Variants in YARS1 observed in about 807,000 individuals in gnomAD.
The protein encoded by YARS1 is tyrosine--tRNA ligase, cytoplasmic.
YARS1 carries 36 observed loss-of-function variants against 62.2 expected under a neutral mutation model. That is an observed-to-expected ratio of 0.58 (90% CI 0.44 to 0.76). The LOEUF (loss-of-function observed/expected upper bound fraction) is 0.76, where lower values mean the gene tolerates loss of function less well. Among genes scored for constraint, YARS1 ranks in the 30% least tolerant of loss-of-function variants. The probability of loss-of-function intolerance (pLI) is 0.00; values close to 1 mark genes in which losing one functional copy is unlikely to be tolerated. For missense variants in YARS1, 524 were observed against 639.8 expected (o/e 0.82, Z 1.95); for synonymous variants, 234 against 244.9 (o/e 0.96, Z 0.42).
intron 4 of YARS1, 71 bp downstream of exon 4, chr1:32,806,411 T>C: frequency 6.2e-7 from 1 of 1,611,276 alleles, no homozygotes; most frequent in Non-Finnish European, 8.5e-7. Context: ...TAAAGCAAAG[T>C]GCAATAAGAT....
chr1:32,801,679 A>C (rs1638298480), intron 4 of YARS1, among the ~76,000 whole-genome samples: 1 of 152,240 alleles, frequency 6.6e-6, no homozygotes, highest in Non-Finnish European at 1.5e-5. Context: ...TTCTGTCCAC[A>C]GCAGAACTTC....
intron 12 of YARS1, among the ~76,000 whole-genome samples, chr1:32,777,242 T>C (rs2148598237): frequency 6.6e-6 from 1 of 152,030 alleles, no homozygotes. Context: ...TTGGTCAGGC[T>C]GGTCTCGAAC....
intron 1 of YARS1, chr1:32,811,318 T>G (rs889904870): frequency 1.9e-6 from 1 of 513,148 alleles, no homozygotes; most frequent in East Asian, 3.8e-5. Flanking sequence ...CCCACCCCCC[T>G]TCCTCAAGGA....
chr1:32,803,558 C>T (rs1214152905), intron 4 of YARS1, among the ~76,000 whole-genome samples: 2 of 152,144 alleles, frequency 1.3e-5, no homozygotes, highest in Non-Finnish European at 2.9e-5. Context: ...GATTTGAAGC[C>T]AGGAATCAAC....
At chr1:32,789,356 G>A (rs1653339195) in intron 6 of YARS1, among the ~76,000 whole-genome samples, 1 of 152,196 alleles carries the variant, frequency 6.6e-6, no homozygotes, top group African/African-American at 2.4e-5. Context: ...TGTCGACAAT[G>A]TGTGAGGATA....
At chr1:32,791,030 T>C (rs1251996052) in intron 6 of YARS1, 132 bp downstream of exon 6, 7 of 847,746 alleles carry the variant, frequency 8.3e-6, no homozygotes, top group South Asian at 4.0e-5. Flanking sequence ...ACTAAACTAA[T>C]TGAATGGTGT....
chr1:32,811,339 G>A, intron 1 of YARS1: 2 of 477,700 alleles, frequency 4.2e-6, no homozygotes, highest in South Asian at 4.1e-5. Context: ...CTTAACTTGT[G>A]CAAGCTGACT....
At position 32,776,126 on chromosome 1, in the gene YARS1, G is replaced by C. The variant is rs1201850149; in HGVS notation, c.1477-35C>G. Reference sequence around the variant, plus strand: ...ACAGATAAGAGAGATTTTAATGATGGTGGTGGGACTGCAAGAAAACCCCCC... The same window carrying C: ...ACAGATAAGAGAGATTTTAATGATGCTGGTGGGACTGCAAGAAAACCCCCC... On this transcript the variant is annotated intron_variant, in intron 12 of 12. Transcript: ENST00000373477. The surrounding 1 kb of genome is among the most constrained non-coding windows in gnomAD (Gnocchi z 4.0). The C allele has an allele frequency of 1.9e-6, 3 of 1,560,012 alleles. No individual in the cohort carries two copies. The highest frequency in any genetic ancestry group is 2.6e-6 in the Non-Finnish European group (3 of 1,134,122).
Position 32,779,402 on chromosome 1 carries a change from T to C in YARS1, c.1456A>G (p.Lys486Glu). 6.2e-7 allele frequency: 1 copy of C among 1,614,204 alleles called. No homozygotes were observed. The highest frequency in any genetic ancestry group is 1.1e-5 in the South Asian group (1 of 91,090). Residue 486 changes from lysine (K) to glutamate (E), a missense_variant, in exon 12 of 13, where the codon AAA becomes GAA. By Grantham distance (56) the Lys-to-Glu change is moderately conservative (BLOSUM62 1). Coordinates refer to ENST00000373477, the MANE Select transcript of YARS1 (RefSeq NM_003680.4). ...QPDEELKPKK[K>E]VFEKLQADFK... ...TTTACCTGCAACTTCTCGAAGACTT[T>C]CTTCTTGGGCTTGAGCTCCTCATCT...
Position 32,787,050 on chromosome 1 carries a change from C to T in YARS1, c.710G>A (p.Arg237Gln), listed in dbSNP as rs763285294. Residue 237 changes from arginine (R) to glutamine (Q), a missense_variant, in exon 7 of 13, where the codon CGG (arginine) becomes CAG (glutamine). Arg to Gln is a conservative substitution (Grantham distance 43). Transcript: ENST00000373477. ...CAGTTTTTTCTTCACATCCTCCTTC[C>T]GATCAAGGAGATCAATCTTGGACTC... Reference protein sequence around the residue: ...EEESKIDLLDRKEDVKKKLKK... With the variant: ...EEESKIDLLDQKEDVKKKLKK... The T allele has an allele frequency of 5.6e-6, 9 of 1,614,014 alleles. No individual in the cohort carries two copies. Among genetic ancestry groups the T allele is most frequent in the African/African-American group, 2.7e-5 (2 of 74,916 alleles).
chr1:32,808,217 C>G (rs544402298), intron 3 of YARS1, among the ~76,000 whole-genome samples: 1 of 150,780 alleles, frequency 6.6e-6, no homozygotes, highest in South Asian at 2.1e-4. Flanking sequence ...CCCACTCCCC[C>G]ACCATTTTTT....
At chr1:32,815,232 C>G (rs1375184371) in intron 1 of YARS1, among the ~76,000 whole-genome samples, 2 of 152,062 alleles carry the variant, frequency 1.3e-5, no homozygotes, top group African/African-American at 4.8e-5. Flanking sequence ...GTCTGTAATC[C>G]CAGCTACTCA....
chr1:32,795,759 T>C (rs1653562298), intron 5 of YARS1, among the ~76,000 whole-genome samples: 3 of 151,384 alleles, frequency 2.0e-5, no homozygotes, highest in East Asian at 2.0e-4. Context: ...TGAGCCAAGA[T>C]TGTGCCACTG....
intron 8 of YARS1, chr1:32,783,185 G>C (rs1484181303): frequency 6.5e-6 from 1 of 153,822 alleles, no homozygotes; most frequent in African/African-American, 2.4e-5. Flanking sequence ...ATAAAGTGAA[G>C]CTAACAACAG....
intron 3 of YARS1, among the ~76,000 whole-genome samples, chr1:32,807,317 G>C (rs1303466975): frequency 1.3e-5 from 2 of 152,124 alleles, no homozygotes. Context: ...CATATCTCTT[G>C]TGTCGGGCTT....
At chr1:32,811,107 C>T (rs1010236946) in intron 1 of YARS1, 50 bp from the exon 2 acceptor site, 2 of 1,611,738 alleles carry the variant, frequency 1.2e-6, no homozygotes, top group African/African-American at 2.7e-5. Context: ...TCACCTTGCT[C>T]ATCCTTTACC....
intron 4 of YARS1, 133 bp downstream of exon 4, chr1:32,806,349 G>C (rs1335067135): frequency 1.4e-5 from 20 of 1,415,576 alleles, no homozygotes; most frequent in Non-Finnish European, 1.9e-5. Flanking sequence ...GCTGTACACA[G>C]GGTTGCCACA....
chr1:32,792,897 AAAATAAAT>A lies in YARS1; in HGVS notation c.592-1651_592-1644del, dbSNP rs1050520656. The stretch of plus-strand genomic sequence containing the variant: ...TCCATCTCAAAAAAAAATAAAAATA[AAAATAAAT>A]AAATAAATAAATAAAAGAAAATAAG... On this transcript the variant is annotated intron_variant, in intron 5 of 12. Transcript: ENST00000373477. Among the ~76,000 whole-genome samples, 7 of 151,192 alleles carry A rather than the reference AAAATAAAT, an allele frequency of 4.6e-5. No individual in the cohort carries two copies. The East Asian group carries it at 9.6e-4, about 21-fold the overall frequency.
At chr1:32,798,261 A>C (rs1037115866) in intron 4 of YARS1, 1 of 233,472 alleles carries the variant, frequency 4.3e-6, no homozygotes, top group African/African-American at 2.3e-5. Flanking sequence ...AGCCAAGAAG[A>C]AAATAAACAG....
Sources: gnomAD v4.1 joint callset for allele counts (sites outside exome capture counted in the v4.1 genomes callset) on GRCh38, gnomAD v4.1.1 for gene constraint, Gnocchi (gnomAD v3.1) non-coding constraint, MANE v1.5 for transcripts, NCBI Gene and HGNC (gene_info 2026-07-23, HGNC 2026-07-21) for gene names.